WIPI2: variants seen among roughly 807,000 people sequenced by gnomAD.
The protein encoded by WIPI2 is WD repeat domain phosphoinositide-interacting protein 2.
A neutral mutation model predicts 52.3 loss-of-function variants in WIPI2; 28 were observed. The ratio of observed to expected loss-of-function variants is 0.54; its 90% CI spans 0.40 to 0.73. The LOEUF (loss-of-function observed/expected upper bound fraction) is 0.73, where lower values mean the gene tolerates loss of function less well. Among genes scored for constraint, WIPI2 ranks in the 30% least tolerant of loss-of-function variants. WIPI2 has a pLI of 0.00. For synonymous variants in WIPI2, 268 were observed against 245.0 expected, an observed-to-expected ratio of 1.09 and a Z score of -0.88; for missense variants, 506 against 602.9, an observed-to-expected ratio of 0.84 and a Z score of 1.68.
chr7:5,214,901 A>G (rs1782735114), intron 4 of WIPI2, among the ~76,000 whole-genome samples, 197 bp downstream of exon 4: 1 of 152,028 alleles, frequency 6.6e-6, no homozygotes, highest in Non-Finnish European at 1.5e-5. Context: ...ATTCACGACA[A>G]ATGCCCGGGC....
intron 3 of WIPI2, 27 bp downstream of exon 3, chr7:5,199,685 TCTTAAA>T (rs1781931117): frequency 1.4e-6 from 2 of 1,473,834 alleles, no homozygotes; most frequent in South Asian, 2.4e-5. Context: ...TTTTTCCCCT[TCTTAAA>T]AAAAAAAAAA....
At chr7:5,224,407 C>T (rs1056226952) in intron 8 of WIPI2, among the ~76,000 whole-genome samples, 1 of 152,184 alleles carries the variant, frequency 6.6e-6, no homozygotes, top group South Asian at 2.1e-4. Flanking sequence ...TTTGGGTGAC[C>T]GCCCAAGGGG....
chr7:5,210,287 A>G (rs1254793025), intron 3 of WIPI2, among the ~76,000 whole-genome samples: 5 of 152,116 alleles, frequency 3.3e-5, no homozygotes, highest in Admixed American at 6.6e-5. Flanking sequence ...CATTCTTCCT[A>G]CACATCTCCA....
chr7:5,214,769 C>T, intron 4 of WIPI2, 65 bp downstream of exon 4: 1 of 1,571,252 alleles, frequency 6.4e-7, no homozygotes, highest in South Asian at 1.1e-5. Context: ...GGGACAAGCC[C>T]ACCCCACCGG....
chr7:5,223,176 G>A (rs984894546), intron 8 of WIPI2, among the ~76,000 whole-genome samples: 2 of 152,174 alleles, frequency 1.3e-5, no homozygotes, highest in East Asian at 1.9e-4. Flanking sequence ...CTCCTGTGGC[G>A]CCTGCTTTGG....
At chr7:5,203,501 T>A (rs989523379) in intron 3 of WIPI2, among the ~76,000 whole-genome samples, 1 of 152,204 alleles carries the variant, frequency 6.6e-6, no homozygotes, top group Admixed American at 6.5e-5. Flanking sequence ...TTCTTAGATT[T>A]TAGTCAGGCA....
chr7:5,203,777 G>T (rs1009032904), intron 3 of WIPI2, among the ~76,000 whole-genome samples: 1 of 147,166 alleles, frequency 6.8e-6, no homozygotes, highest in Non-Finnish European at 1.5e-5. Context: ...CACCATGCCC[G>T]GCTGATTTTT....
intron 3 of WIPI2, among the ~76,000 whole-genome samples, chr7:5,210,060 G>A (rs773270044): frequency 1.8e-4 from 28 of 151,660 alleles, no homozygotes; most frequent in African/African-American, 2.4e-5. Flanking sequence ...GGCGCCCACC[G>A]CGATGCCCGG....
chr7:5,190,531 C>A, intron 1 of WIPI2, 38 bp downstream of exon 1: 1 of 1,457,054 alleles, frequency 6.9e-7, no homozygotes, highest in South Asian at 1.4e-5. Flanking sequence ...GGGGTGAGGC[C>A]AGGGTCGGAC....
At chr7:5,198,630 A>G (rs921575660) in intron 2 of WIPI2, among the ~76,000 whole-genome samples, 10 of 152,034 alleles carry the variant, frequency 6.6e-5, no homozygotes, top group Non-Finnish European at 1.3e-4. Context: ...CTTAACTCTC[A>G]TATTCTGACA....
intron 12 of WIPI2, 140 bp downstream of exon 12, chr7:5,229,878 G>GT: frequency 8.3e-7 from 1 of 1,206,572 alleles, no homozygotes; most frequent in African/African-American, 1.5e-5. Flanking sequence ...AGCGAGGTTG[G>GT]TAAATGGGTG....
At chr7:5,211,606 G>A (rs28757707) in intron 3 of WIPI2, among the ~76,000 whole-genome samples, 4,980 of 152,318 alleles carry the variant, frequency 0.033, 104 homozygotes, top group Middle Eastern at 0.099. Flanking sequence ...TTGAGGAGCA[G>A]CCCTATTTGG....
chr7:5,211,416 G>T (rs1353108064), intron 3 of WIPI2, among the ~76,000 whole-genome samples: 1 of 152,210 alleles, frequency 6.6e-6, no homozygotes, highest in African/African-American at 2.4e-5. Flanking sequence ...AGGTTGCAGT[G>T]AGTCGAGATC....
intron 3 of WIPI2, among the ~76,000 whole-genome samples, chr7:5,211,727 C>T (rs537197208): frequency 1.1e-4 from 16 of 152,264 alleles, no homozygotes; most frequent in Middle Eastern, 3.4e-3. Context: ...CCAGGTTTTC[C>T]TATGTGTCCC....
Position 5,190,471 on chromosome 7 carries a change from G to C in WIPI2, c.52G>C (p.Ala18Pro). Residue 18 changes from alanine to proline, a missense_variant, in exon 1 of 13, where the codon GCC (alanine) becomes CCC (proline). This residue lies in a region of WIPI2 where 15 missense variants were observed against 31.3 expected (regional missense o/e 0.48). Transcript: ENST00000288828. ...GEAGAGQLLF[A>P]NFNQDNTEVK... ...GGCCGGCGCCGGCCAGCTGCTCTTC[G>C]CCAACTTCAACCAGGACAACACGTA... 6.6e-7 allele frequency: 1 copy of C among 1,509,870 alleles called. No individual in the cohort carries two copies. The highest frequency in any genetic ancestry group is 8.9e-7 in the Non-Finnish European group (1 of 1,128,924). 93.5% of individuals were successfully genotyped at this position (1,509,870 alleles called of 1,614,324 possible). A position where few individuals can be genotyped will look rare whatever the true frequency, so the allele number is the denominator to read the frequency against.
chr7:5,212,439 C>CG (rs1357452960), intron 3 of WIPI2, among the ~76,000 whole-genome samples: 1 of 152,132 alleles, frequency 6.6e-6, no homozygotes, highest in Admixed American at 6.5e-5. Context: ...GCCTTGTGCC[C>CG]CTGGATTTGC....
intron 7 of WIPI2, among the ~76,000 whole-genome samples, chr7:5,221,541 C>T (rs998857134): frequency 5.3e-5 from 8 of 152,058 alleles, no homozygotes; most frequent in African/African-American, 1.2e-4. Context: ...AATTTAATAC[C>T]GTTATATCAC....
chr7:5,225,348 G>A (rs1201697564), intron 8 of WIPI2, among the ~76,000 whole-genome samples: 4 of 152,014 alleles, frequency 2.6e-5, no homozygotes, highest in Admixed American at 6.6e-5. Flanking sequence ...TCACCATGTT[G>A]GCCAGGATGG....
chr7:5,213,739 G>T (rs897306571), intron 3 of WIPI2, among the ~76,000 whole-genome samples: 4 of 152,152 alleles, frequency 2.6e-5, no homozygotes, highest in Non-Finnish European at 5.9e-5. Context: ...AGGCTGGAGT[G>T]CAGTGGCGCG....
Sources: allele counts gnomAD v4.1 joint callset (sites outside exome capture counted in the v4.1 genomes callset), GRCh38; gene constraint gnomAD v4.1.1; regional missense constraint gnomAD v4.1.1; transcripts MANE v1.5; gene names NCBI Gene and HGNC (gene_info 2026-07-23, HGNC 2026-07-21).